PPIE: variants seen among roughly 807,000 people sequenced by gnomAD.
PPIE encodes peptidyl-prolyl cis-trans isomerase E.
PPIE carries 20 observed loss-of-function variants against 38.4 expected under a neutral mutation model. The observed-to-expected ratio is 0.52, with a 90% CI of 0.37 to 0.76. PPIE has a LOEUF of 0.76. Ranked by LOEUF, PPIE falls within the 30% of genes least tolerant of loss-of-function variation. The pLI, the probability that PPIE is intolerant of heterozygous loss-of-function variation, is 0.00. For synonymous variants in PPIE, 142 were observed against 135.7 expected (o/e 1.05, Z -0.32); for missense variants, 322 against 385.8 (o/e 0.83, Z 1.39).
intron 9 of PPIE, chr1:39,762,474 C>A: frequency 1.3e-6 from 2 of 1,529,620 alleles, no homozygotes; most frequent in Non-Finnish European, 1.8e-6. Flanking sequence ...CAACAGTGAG[C>A]AGCACCAGTG....
chr1:39,745,603 G>C, intron 7 of PPIE, 105 bp downstream of exon 7: 1 of 1,548,444 alleles, frequency 6.5e-7, no homozygotes, highest in Admixed American at 1.8e-5. Flanking sequence ...TATTGCTTCT[G>C]ACCTAAGTTG....
At chr1:39,743,345 C>T (rs1305760057) in intron 5 of PPIE, 48 bp downstream of exon 5, 3 of 1,548,420 alleles carry the variant, frequency 1.9e-6, no homozygotes, top group South Asian at 2.2e-5. Context: ...TGCAGTTTGG[C>T]CTTAGTTGCA....
Position 39,755,787 on chromosome 1 carries a change from G to T in PPIE, c.*2432G>T, listed in dbSNP as rs746413722. The T allele has an allele frequency of 1.0e-6, 1 of 985,150 alleles. No individual in the cohort carries two copies. The highest frequency in any genetic ancestry group is 1.7e-5 in the African/African-American group (1 of 57,162). The allele number at this position is 985,150 out of a possible 1,614,324, so 61.0% of individuals were successfully genotyped here. ...GACTCCTCTCCCAGTGTTCCTCCTGGGTGTTCACAGATGTTATTGAATGCA... is the reference window on the plus strand; with the variant it reads ...GACTCCTCTCCCAGTGTTCCTCCTGTGTGTTCACAGATGTTATTGAATGCA... On this transcript the variant is annotated 3_prime_UTR_variant, in exon 10 of 10. Transcript: ENST00000324379.
In PPIE at chr1:39,755,848, T is replaced by C; in HGVS notation, c.*2493T>C. On this transcript the variant is annotated 3_prime_UTR_variant, in exon 10 of 10. Transcript: ENST00000324379. ...CTGCACAGGTAAACTGAGGCTTTATTGGCGTGACTGCCAAAGGTCACACAG... is the reference window on the plus strand; with the variant it reads ...CTGCACAGGTAAACTGAGGCTTTATCGGCGTGACTGCCAAAGGTCACACAG... 1 of 985,396 alleles carries C rather than the reference T, an allele frequency of 1.0e-6. No individual in the cohort carries two copies. The highest frequency in any genetic ancestry group is 1.2e-6 in the Non-Finnish European group (1 of 829,916). The allele number at this position is 985,396 out of a possible 1,614,324, so 61.0% of individuals were successfully genotyped here. A position where few individuals can be genotyped will look rare whatever the true frequency, so the allele number is the denominator to read the frequency against.
At position 39,743,636 on chromosome 1, in the gene PPIE, G is replaced by C. The variant is rs1647117049; in HGVS notation, c.284-188G>C. 1.3e-5 allele frequency among the ~76,000 whole-genome samples: 2 copies of C among 152,164 alleles called. 1 individual carries two copies. The highest frequency in any genetic ancestry group is 4.8e-5 in the African/African-American group (2 of 41,426). Reference sequence around the variant, plus strand: ...GCTTTCGGCATAGCTATTTTCCTTAGCCCTACTGAGAGCTGGACTTCAGGG... The same window carrying C: ...GCTTTCGGCATAGCTATTTTCCTTACCCCTACTGAGAGCTGGACTTCAGGG... On this transcript the variant is annotated intron_variant, in intron 5 of 9. Coordinates refer to ENST00000324379, the MANE Select transcript of PPIE (RefSeq NM_006112.4).
chr1:39,739,255 C>G (rs1354449364), intron 1 of PPIE: 1 of 313,738 alleles, frequency 3.2e-6, no homozygotes, highest in Non-Finnish European at 5.8e-6. Flanking sequence ...TCTGCTTTTG[C>G]GACTCCCTTG....
intron 9 of PPIE, among the ~76,000 whole-genome samples, chr1:39,762,043 A>G (rs1046708329): frequency 2.0e-5 from 3 of 152,184 alleles, no homozygotes; most frequent in Non-Finnish European, 2.9e-5. Context: ...ACACGGCATA[A>G]AGGGTGGCTG....
intron 3 of PPIE, 46 bp downstream of exon 3, chr1:39,741,455 G>C (rs1413270391): frequency 6.3e-7 from 1 of 1,591,924 alleles, no homozygotes; most frequent in South Asian, 1.1e-5. Flanking sequence ...TTGTGATGTT[G>C]TTACTGATTA....
chr1:39,751,640 A>G (rs184197746), intron 8 of PPIE, among the ~76,000 whole-genome samples: 213 of 152,312 alleles, frequency 1.4e-3, no homozygotes, highest in Admixed American at 2.5e-3. Context: ...GATTACAAGC[A>G]TTAGCCACTG....
Position 39,738,911 on chromosome 1 carries a change from C to G in PPIE, c.11C>G (p.Thr4Ser), listed in dbSNP as rs774920247. 5.3e-6 allele frequency: 8 copies of G among 1,504,616 alleles called. No homozygotes were observed. Among genetic ancestry groups the G allele is most frequent in the Non-Finnish European group, 6.2e-6 (7 of 1,128,310 alleles). 93.2% of individuals were successfully genotyped at this position (1,504,616 alleles called of 1,614,324 possible). A position where few individuals can be genotyped will look rare whatever the true frequency, so the allele number is the denominator to read the frequency against. ...AAGCGCGCGAGCAAGATGGCCACCACCAAGCGCGTCTTGTACGTGGGTGAG... is the reference window on the plus strand; with the variant it reads ...AAGCGCGCGAGCAAGATGGCCACCAGCAAGCGCGTCTTGTACGTGGGTGAG... MATTKRVLYVGGLA... is the reference protein window; with the variant it reads MATSKRVLYVGGLA... Residue 4 changes from threonine (T) to serine (S), a missense_variant, in exon 1 of 10, where the codon ACC (threonine) becomes AGC (serine). Physicochemically the swap from Thr to Ser is moderately conservative, Grantham distance 58. Transcript: ENST00000324379.
chr1:39,749,163 G>A, intron 8 of PPIE, 75 bp downstream of exon 8: 1 of 1,454,578 alleles, frequency 6.9e-7, no homozygotes, highest in East Asian at 2.3e-5. Flanking sequence ...GGAAGGACAG[G>A]TTGTAGTTCT....
At chr1:39,760,613 T>G (rs1409330932), downstream of PPIE, 7 of 1,593,674 alleles carry the variant, frequency 4.4e-6, no homozygotes, top group South Asian at 1.1e-5. Flanking sequence ...CCCAGTGGCC[T>G]CCTCCAAGGA....
Position 39,756,480 on chromosome 1 carries a change from G to A in PPIE, c.*3125G>A, listed in dbSNP as rs1648282894. On this transcript the variant is annotated 3_prime_UTR_variant, in exon 10 of 10. Transcript: ENST00000324379. ...GGATCAGTGCTGTGGCTGTTGGAGT[G>A]TCCTCTCCAACAGCATGACAGCCGC... The A allele has an allele frequency of 4.9e-5, 48 of 985,306 alleles. No homozygotes were observed. Among genetic ancestry groups the A allele is most frequent in the Non-Finnish European group, 5.7e-5 (47 of 829,942 alleles). The allele number at this position is 985,306 out of a possible 1,614,324, so 61.0% of individuals were successfully genotyped here.
chr1:39,760,695 A>G, downstream of PPIE: 5 of 1,251,272 alleles, frequency 4.0e-6, no homozygotes, highest in Non-Finnish European at 4.3e-6. Context: ...GAGCAGCACA[A>G]TAATAATAAC....
chr1:39,763,043 A>G (rs753664193), intron 9 of PPIE: 16 of 1,597,082 alleles, frequency 1.0e-5, no homozygotes, highest in East Asian at 8.9e-5. Flanking sequence ...ACCCCTCTCC[A>G]CAGGGCCCCC....
rs749209259 is a variant in PPIE, at chr1:39,762,514, A to C, written c.838-1175A>C. The C allele has an allele frequency of 3.9e-6, 6 of 1,549,372 alleles. No homozygotes were observed. The South Asian group carries it at 4.8e-5, about 12-fold the overall frequency. ...CATCAGAAACCTGCTTTTGTCCTTT[A>C]AGGTTGCCCCAGATACCAAGGCATC... On this transcript the variant is annotated intron_variant, in intron 9 of 9. Coordinates refer to the PPIE transcript ENST00000356511.
chr1:39,742,105 G>T, intron 4 of PPIE, 184 bp downstream of exon 4: 1 of 603,382 alleles, frequency 1.7e-6, no homozygotes, highest in Admixed American at 3.1e-5. Flanking sequence ...AGACTCCTTC[G>T]CCATTTCAGA....
chr1:39,741,274 T>C, intron 2 of PPIE, 92 bp from the exon 3 acceptor site: 1 of 1,083,988 alleles, frequency 9.2e-7, no homozygotes, highest in South Asian at 1.3e-5. Context: ...GGTGTTTGGA[T>C]ACGACATGTA....
chr1:39,751,851 G>A (rs547015706), intron 8 of PPIE, among the ~76,000 whole-genome samples: 210 of 152,296 alleles, frequency 1.4e-3, no homozygotes, highest in Non-Finnish European at 2.6e-3. Context: ...TTGGGAGTCT[G>A]AAGTGGCAGC....
Sources: gnomAD v4.1 joint callset for allele counts (sites outside exome capture counted in the v4.1 genomes callset) on GRCh38, gnomAD v4.1.1 for gene constraint, MANE v1.5 for transcripts, NCBI Gene and HGNC (gene_info 2026-07-23, HGNC 2026-07-21) for gene names.